Variants in SLC24A2 observed in about 807,000 individuals in gnomAD.
The protein encoded by SLC24A2 is sodium/potassium/calcium exchanger 2.
A neutral mutation model predicts 62.0 loss-of-function variants in SLC24A2; 36 were observed. The ratio of observed to expected loss-of-function variants is 0.58; its 90% confidence interval spans 0.44 to 0.77. SLC24A2 has a LOEUF of 0.77. Ranked by LOEUF, SLC24A2 falls within the 30% of genes least tolerant of loss-of-function variation. The pLI is 0.00. For missense variants in SLC24A2, 846 were observed against 817.9 expected, an observed-to-expected ratio of 1.03 and a Z score of -0.42; for synonymous variants, 358 against 294.0, an observed-to-expected ratio of 1.22 and a Z score of -2.23.
chr9:19,989,727 G>A, the SLC24A2 span, among the ~76,000 whole-genome samples: 1 of 152,222 alleles, frequency 6.6e-6, no homozygotes, highest in Non-Finnish European at 1.5e-5. Flanking sequence ...CATGGGTCAA[G>A]TCAGTAGATT....
chr9:19,550,350 GGGAA>G lies in SLC24A2; in HGVS notation c.1348-86_1348-83del. 2.1e-6 allele frequency: 3 copies of G among 1,425,146 alleles called. No individual in the cohort carries two copies. The Admixed American group carries it at 5.1e-5, about 24-fold the overall frequency. 88.3% of individuals were successfully genotyped at this position (1,425,146 alleles called of 1,614,324 possible). On this transcript the variant is annotated intron_variant, in intron 7 of 10. Coordinates refer to ENST00000341998, the MANE Select transcript of SLC24A2 (RefSeq NM_020344.4). ...ACAACAACAGGAGCACAGAACAAAG[GGGAA>G]GCTCCATGTCTTATCAGTTTTCTGG...
intron 9 of SLC24A2, among the ~76,000 whole-genome samples, chr9:19,521,874 C>CTTTTTTTTTTTTT (rs1243368144): frequency 7.6e-6 from 1 of 130,892 alleles, no homozygotes; most frequent in Non-Finnish European, 1.6e-5. Context: ...CTTTTTTTTT[C>CTTTTTTTTTTTTT]TTTTTTTTTT....
chr9:19,986,902 G>C, the SLC24A2 span, among the ~76,000 whole-genome samples: 1 of 152,094 alleles, frequency 6.6e-6, no homozygotes, highest in Non-Finnish European at 1.5e-5. Context: ...AAATGCCATT[G>C]AAATGTTCAG....
At chr9:19,518,405 CTTTCTTTTTCT>C (rs1248393031) in intron 10 of SLC24A2, among the ~76,000 whole-genome samples, 1 of 150,800 alleles carries the variant, frequency 6.6e-6, no homozygotes, top group Non-Finnish European at 1.5e-5. Flanking sequence ...TTTTTCTTTT[CTTTCTTTTTCT>C]TTTCTTTTCT....
the SLC24A2 span, among the ~76,000 whole-genome samples, chr9:20,079,077 T>C: frequency 7.0e-6 from 1 of 143,546 alleles, no homozygotes; most frequent in Non-Finnish European, 1.6e-5. Flanking sequence ...TCATCCTGAT[T>C]ATCCAGGTGG....
intron 2 of SLC24A2, among the ~76,000 whole-genome samples, chr9:19,669,396 A>T (rs1241642331): frequency 6.6e-6 from 1 of 152,224 alleles, no homozygotes; most frequent in East Asian, 1.9e-4. Flanking sequence ...GTAGTCTCAC[A>T]AAACACAGAA....
At chr9:19,714,829 T>G (rs1240940324) in intron 2 of SLC24A2, among the ~76,000 whole-genome samples, 1 of 152,158 alleles carries the variant, frequency 6.6e-6, no homozygotes, top group Non-Finnish European at 1.5e-5. Context: ...TTATTAACTA[T>G]AGTCTTTATG....
the SLC24A2 span, among the ~76,000 whole-genome samples, chr9:19,979,068 C>G: frequency 1.3e-5 from 2 of 152,110 alleles, no homozygotes; most frequent in African/African-American, 4.8e-5. Context: ...GTGTGAAGAG[C>G]AGAGGAATAA....
At chr9:19,842,634 G>C in the SLC24A2 span, among the ~76,000 whole-genome samples, 24 of 152,266 alleles carry the variant, frequency 1.6e-4, no homozygotes, top group South Asian at 2.1e-3. Flanking sequence ...AGTCTCCAAG[G>C]GGGGGATGTT....
At chr9:19,863,514 C>T in the SLC24A2 span, among the ~76,000 whole-genome samples, 1 of 152,108 alleles carries the variant, frequency 6.6e-6, no homozygotes, top group Non-Finnish European at 1.5e-5. Flanking sequence ...TCATATCAAG[C>T]ATCCTCTGAC....
intron 7 of SLC24A2, among the ~76,000 whole-genome samples, chr9:19,559,773 C>T (rs1835300354): frequency 6.6e-6 from 1 of 152,170 alleles, no homozygotes; most frequent in African/African-American, 2.4e-5. Context: ...GTGGCTGGCT[C>T]AGAAATAGTA....
chr9:19,966,327 A>G, the SLC24A2 span, among the ~76,000 whole-genome samples: 1 of 152,206 alleles, frequency 6.6e-6, no homozygotes, highest in Non-Finnish European at 1.5e-5. Context: ...GTGCATGCCC[A>G]TAATAGTATT....
the SLC24A2 span, among the ~76,000 whole-genome samples, chr9:19,950,661 G>A: frequency 6.6e-6 from 1 of 152,280 alleles, no homozygotes; most frequent in South Asian, 2.1e-4. Flanking sequence ...GGATGTATCA[G>A]TAAAGAAAAC....
the SLC24A2 span, among the ~76,000 whole-genome samples, chr9:20,024,235 G>C: frequency 6.6e-6 from 1 of 152,204 alleles, no homozygotes; most frequent in South Asian, 2.1e-4. Context: ...TCTGGATTTG[G>C]TTGAAAATCT....
intron 2 of SLC24A2, among the ~76,000 whole-genome samples, chr9:19,622,772 T>C (rs1242980062): frequency 6.6e-6 from 1 of 152,122 alleles, no homozygotes; most frequent in African/African-American, 2.4e-5. Flanking sequence ...CAAACTGTTA[T>C]TAGTGGTTGT....
the SLC24A2 span, among the ~76,000 whole-genome samples, chr9:20,263,071 C>G: frequency 2.0e-5 from 3 of 152,154 alleles, no homozygotes; most frequent in East Asian, 1.9e-4. Flanking sequence ...TCCACTGGAG[C>G]CTGCACCTGT....
the SLC24A2 span, among the ~76,000 whole-genome samples, chr9:19,938,898 A>AAAAC: frequency 0.47 from 70,597 of 151,602 alleles, 16,888 homozygotes; most frequent in Non-Finnish European, 0.52. Flanking sequence ...TGTACAAAAC[A>AAAAC]AAACAAACAA....
the SLC24A2 span, among the ~76,000 whole-genome samples, chr9:20,072,759 A>T: frequency 6.6e-6 from 1 of 152,062 alleles, no homozygotes; most frequent in Admixed American, 6.6e-5. Flanking sequence ...GAAGATAGAG[A>T]AAGGAGCCAT....
the SLC24A2 span, among the ~76,000 whole-genome samples, chr9:19,959,515 AC>A: frequency 6.6e-6 from 1 of 152,170 alleles, no homozygotes; most frequent in Non-Finnish European, 1.5e-5. Context: ...TTTGGTTCCT[AC>A]CTTTTGAAAA....
Sources: gnomAD v4.1 joint callset for allele counts (sites outside exome capture counted in the v4.1 genomes callset) on GRCh38, gnomAD v4.1.1 for gene constraint, MANE v1.5 for transcripts, NCBI Gene and HGNC (gene_info 2026-07-23, HGNC 2026-07-21) for gene names.